Variants in AK8 observed in about 807,000 individuals in gnomAD.
AK8 encodes the protein ATP-AMP transphosphorylase 8.
In AK8, 44 loss-of-function variants were observed where a neutral mutation model predicts 54.6. The observed-to-expected ratio is 0.81, with a 90% CI of 0.63 to 1.04. The LOEUF is 1.04. Among genes scored for constraint, AK8 ranks in the 50% least tolerant of loss-of-function variants. The pLI, the probability that AK8 is intolerant of heterozygous loss-of-function variation, is 0.00. For synonymous variants in AK8, 239 were observed against 245.6 expected, an observed-to-expected ratio of 0.97 and a Z score of 0.25; for missense variants, 555 against 613.6, an observed-to-expected ratio of 0.90 and a Z score of 1.01.
intron 4 of AK8, among the ~76,000 whole-genome samples, chr9:132,858,975 C>T (rs955057895): frequency 6.6e-6 from 1 of 152,182 alleles, no homozygotes; most frequent in Non-Finnish European, 1.5e-5. Flanking sequence ...GAGCAGTCAC[C>T]TCCTCTACCC....
At chr9:132,755,580 G>C (rs1244976673) in intron 11 of AK8, among the ~76,000 whole-genome samples, 1 of 152,154 alleles carries the variant, frequency 6.6e-6, no homozygotes, top group Non-Finnish European at 1.5e-5. Context: ...CCTCATCACA[G>C]GGCTTAATCG....
intron 10 of AK8, among the ~76,000 whole-genome samples, chr9:132,805,255 TG>T (rs1184122443): frequency 6.6e-6 from 1 of 152,176 alleles, no homozygotes; most frequent in African/African-American, 2.4e-5. Context: ...CGGCTCTCCT[TG>T]GACTTCCCAG....
At chr9:132,867,598 G>A (rs555034133) in intron 2 of AK8, among the ~76,000 whole-genome samples, 3 of 152,346 alleles carry the variant, frequency 2.0e-5, no homozygotes, top group Admixed American at 6.5e-5. Context: ...ACCTGTGACC[G>A]AGAGTCTGGG....
chr9:132,812,223 T>G (rs1841046400), intron 10 of AK8, among the ~76,000 whole-genome samples: 1 of 148,920 alleles, frequency 6.7e-6, no homozygotes, highest in Admixed American at 6.8e-5. Flanking sequence ...TGCTTGCTAC[T>G]GTGGCTTTTT....
At chr9:132,871,172 G>T (rs1440025421) in intron 2 of AK8, among the ~76,000 whole-genome samples, 1 of 152,152 alleles carries the variant, frequency 6.6e-6, no homozygotes, top group East Asian at 1.9e-4. Flanking sequence ...CTTGAACCTG[G>T]GAGGCGGAGC....
intron 10 of AK8, among the ~76,000 whole-genome samples, chr9:132,811,517 C>G (rs532361094): frequency 1.3e-5 from 2 of 152,362 alleles, no homozygotes; most frequent in African/African-American, 4.8e-5. Flanking sequence ...TCAAGTGCCC[C>G]AGGAAGGAGC....
At chr9:132,730,886 T>A (rs1836810164) in intron 11 of AK8, among the ~76,000 whole-genome samples, 1 of 152,170 alleles carries the variant, frequency 6.6e-6, no homozygotes, top group Non-Finnish European at 1.5e-5. Flanking sequence ...GAACCTGGCC[T>A]CGGGAAAGCC....
At chr9:132,836,884 C>T (rs1842346839) in intron 5 of AK8, among the ~76,000 whole-genome samples, 1 of 152,216 alleles carries the variant, frequency 6.6e-6, no homozygotes, top group Admixed American at 6.5e-5. Flanking sequence ...CACTTCATAG[C>T]GTTTAGGGTT....
At chr9:132,777,794 G>A (rs1011574531) in intron 11 of AK8, among the ~76,000 whole-genome samples, 1 of 152,236 alleles carries the variant, frequency 6.6e-6, no homozygotes, top group African/African-American at 2.4e-5. Flanking sequence ...TGGGGTGCAA[G>A]AGAGATCGCT....
At chr9:132,733,336 G>T (rs1046265381) in intron 11 of AK8, among the ~76,000 whole-genome samples, 3 of 152,194 alleles carry the variant, frequency 2.0e-5, no homozygotes, top group African/African-American at 4.8e-5. Flanking sequence ...CCCCGGTACT[G>T]CAAGGCCCAA....
intron 10 of AK8, among the ~76,000 whole-genome samples, chr9:132,795,460 T>A (rs1361845126): frequency 6.6e-6 from 1 of 152,230 alleles, no homozygotes; most frequent in Non-Finnish European, 1.5e-5. Flanking sequence ...ACCTTGTGTT[T>A]TCTTGCCAGG....
chr9:132,777,479 A>C (rs1453058896), intron 11 of AK8, among the ~76,000 whole-genome samples: 1 of 152,226 alleles, frequency 6.6e-6, no homozygotes, highest in African/African-American at 2.4e-5. Context: ...CTCCCTGGCT[A>C]CAGACTGAGC....
At chr9:132,873,035 G>C (rs907879785) in intron 2 of AK8, among the ~76,000 whole-genome samples, 3 of 151,940 alleles carry the variant, frequency 2.0e-5, no homozygotes, top group Non-Finnish European at 2.9e-5. Context: ...GGATGTTCTC[G>C]ATCTCCTGAC....
chr9:132,824,109 C>A (rs1254034858), intron 8 of AK8, among the ~76,000 whole-genome samples: 1 of 152,150 alleles, frequency 6.6e-6, no homozygotes, highest in East Asian at 1.9e-4. Context: ...AGCCACAGGG[C>A]AAAGCTACTG....
Position 132,876,358 on chromosome 9 carries a change from C to T in AK8, c.85-1159G>A, listed in dbSNP as rs137932026. Among the ~76,000 whole-genome samples the T allele has an allele frequency of 4.5e-3, 680 of 152,276 alleles. 7 individuals carry two copies. Among genetic ancestry groups the T allele is most frequent in the Non-Finnish European group, 6.2e-3 (421 of 68,022 alleles). On this transcript the variant is annotated intron_variant, in intron 1 of 12. Coordinates refer to ENST00000298545, the MANE Select transcript of AK8 (RefSeq NM_152572.3). ...TTAACGTGTATTAGAAATATAAGTA[C>T]ATCAAATCAATAATTTCAAGGATAT...
chr9:132,758,838 A>T (rs1838316242), intron 11 of AK8, among the ~76,000 whole-genome samples: 1 of 151,978 alleles, frequency 6.6e-6, no homozygotes, highest in South Asian at 2.1e-4. Flanking sequence ...TTCACGTCTT[A>T]AAAAAATAAA....
intron 10 of AK8, among the ~76,000 whole-genome samples, chr9:132,812,525 T>TGGGATGACGGGTGAGCC (rs1564415050): frequency 2.1e-3 from 14 of 6,780 alleles, no homozygotes; most frequent in African/African-American, 5.9e-3. Flanking sequence ...AGGGGTGAGC[T>TGGGATGACGGGTGAGCC]ACCGTGCCCA....
chr9:132,856,099 G>A (rs1162719820), intron 4 of AK8, among the ~76,000 whole-genome samples: 2 of 152,210 alleles, frequency 1.3e-5, no homozygotes, highest in Admixed American at 6.5e-5. Context: ...CAGGGGAGTC[G>A]CTGAGGCCTG....
At chr9:132,762,598 C>T (rs1157126865) in intron 11 of AK8, among the ~76,000 whole-genome samples, 1 of 151,912 alleles carries the variant, frequency 6.6e-6, no homozygotes, top group Non-Finnish European at 1.5e-5. Flanking sequence ...TAACAGAAAC[C>T]CTGGTGAGCA....
Sources: gnomAD v4.1 joint callset for allele counts (sites outside exome capture counted in the v4.1 genomes callset) on GRCh38, gnomAD v4.1.1 for gene constraint, MANE v1.5 for transcripts, NCBI Gene and HGNC (gene_info 2026-07-23, HGNC 2026-07-21) for gene names.